Variants in LAMA2 observed in about 807,000 individuals in gnomAD.
LAMA2 encodes the protein laminin subunit alpha 2, also known as laminin subunit alpha-2.
LAMA2 carries 269 observed loss-of-function variants against 364.8 expected under a neutral mutation model. The observed-to-expected ratio is 0.74, with a 90% CI of 0.67 to 0.82. The LOEUF (loss-of-function observed/expected upper bound fraction) is 0.82, where lower values mean the gene tolerates loss of function less well. Ranked by LOEUF, LAMA2 falls within the 40% of genes least tolerant of loss-of-function variation. The pLI, the probability that LAMA2 is intolerant of heterozygous loss-of-function variation, is 0.00. For synonymous variants in LAMA2, 1,379 were observed against 1,370.6 expected (o/e 1.01, Z -0.14); for missense variants, 3,807 against 3,873.2 (o/e 0.98, Z 0.45).
At chr6:129,379,197 G>A (rs773756252) in intron 34 of LAMA2, among the ~76,000 whole-genome samples, 1 of 152,128 alleles carries the variant, frequency 6.6e-6, no homozygotes, top group Non-Finnish European at 1.5e-5. Flanking sequence ...GTTCACTGGG[G>A]CCTACCAGAG....
intron 2 of LAMA2, among the ~76,000 whole-genome samples, chr6:129,057,281 G>T (rs1788551052): frequency 6.6e-6 from 1 of 151,944 alleles, no homozygotes; most frequent in Non-Finnish European, 1.5e-5. Flanking sequence ...GTGAATACAG[G>T]GTTCACATCC....
At chr6:128,941,582 C>A (rs932427853) in intron 1 of LAMA2, among the ~76,000 whole-genome samples, 1 of 151,752 alleles carries the variant, frequency 6.6e-6, no homozygotes, top group African/African-American at 2.4e-5. Flanking sequence ...CTCTTACATT[C>A]AGTTAAAAAT....
intron 20 of LAMA2, chr6:129,292,770 G>A (rs535439482): frequency 7.1e-6 from 7 of 980,098 alleles, no homozygotes; most frequent in South Asian, 9.5e-5. Flanking sequence ...GCTCTGTTTT[G>A]TTTTTATTTT....
chr6:129,398,934 A>G (rs577097510), intron 37 of LAMA2, among the ~76,000 whole-genome samples: 1 of 152,338 alleles, frequency 6.6e-6, no homozygotes, highest in East Asian at 1.9e-4. Flanking sequence ...GTCTGGATGC[A>G]CGGGCTGATA....
At chr6:128,953,377 G>A (rs1237052707) in intron 1 of LAMA2, among the ~76,000 whole-genome samples, 1 of 152,092 alleles carries the variant, frequency 6.6e-6, no homozygotes, top group Non-Finnish European at 1.5e-5. Context: ...ACAGATAGTA[G>A]ACTTCATCAG....
intron 53 of LAMA2, 99 bp downstream of exon 53, chr6:129,475,500 A>G: frequency 1.2e-6 from 1 of 825,910 alleles, no homozygotes. Context: ...CAACACCAGT[A>G]CAGCTTTGTT....
intron 1 of LAMA2, among the ~76,000 whole-genome samples, chr6:128,974,910 G>A (rs1782427591): frequency 6.7e-6 from 1 of 148,806 alleles, no homozygotes; most frequent in South Asian, 2.1e-4. Flanking sequence ...GGAGTGCAGT[G>A]GCACGATCTT....
intron 1 of LAMA2, among the ~76,000 whole-genome samples, chr6:128,917,386 A>G (rs1409565629): frequency 6.6e-6 from 1 of 152,064 alleles, no homozygotes; most frequent in Non-Finnish European, 1.5e-5. Context: ...ATTAAAAGTC[A>G]TTTTATCTTT....
chr6:129,158,879 C>A (rs796448971), intron 8 of LAMA2: 6 of 1,612,566 alleles, frequency 3.7e-6, no homozygotes, highest in Non-Finnish European at 5.1e-6. Flanking sequence ...GGCAAAGCAA[C>A]GTCCATTAGT....
At chr6:129,202,510 C>T (rs1782371151) in intron 12 of LAMA2, among the ~76,000 whole-genome samples, 1 of 152,090 alleles carries the variant, frequency 6.6e-6, no homozygotes, top group South Asian at 2.1e-4. Context: ...AGAGAGCAAG[C>T]CCTCACCACA....
chr6:129,215,930 C>G (rs1783397569), intron 12 of LAMA2, among the ~76,000 whole-genome samples: 1 of 152,116 alleles, frequency 6.6e-6, no homozygotes, highest in Non-Finnish European at 1.5e-5. Context: ...CTTTTCTTCT[C>G]TTCTTTGGTT....
At chr6:129,192,348 T>C (rs1467944207) in intron 11 of LAMA2, among the ~76,000 whole-genome samples, 1 of 152,236 alleles carries the variant, frequency 6.6e-6, no homozygotes, top group Admixed American at 6.5e-5. Context: ...GTTATAACCA[T>C]TGTATGACTT....
chr6:129,476,669 T>TAA (rs1369171076), intron 53 of LAMA2, among the ~76,000 whole-genome samples: 1 of 152,164 alleles, frequency 6.6e-6, no homozygotes, highest in African/African-American at 2.4e-5. Flanking sequence ...AAAATGGTGA[T>TAA]AAGTCAGTCT....
chr6:129,384,753 T>C (rs1017310301), intron 35 of LAMA2, among the ~76,000 whole-genome samples: 1 of 152,024 alleles, frequency 6.6e-6, no homozygotes, highest in East Asian at 2.0e-4. Context: ...GAGAAAGGAT[T>C]ACCCATCACC....
intron 17 of LAMA2, among the ~76,000 whole-genome samples, chr6:129,274,286 G>A (rs897270730): frequency 6.6e-6 from 1 of 151,550 alleles, no homozygotes; most frequent in Admixed American, 6.6e-5. Flanking sequence ...ATGACCTAGG[G>A]AAACTATCCT....
At chr6:129,023,837 T>C (rs1785614291) in intron 1 of LAMA2, among the ~76,000 whole-genome samples, 1 of 152,222 alleles carries the variant, frequency 6.6e-6, no homozygotes, top group Non-Finnish European at 1.5e-5. Flanking sequence ...ATATATCTGA[T>C]TTTATTTACT....
chr6:128,940,551 G>GT (rs1424451886), intron 1 of LAMA2, among the ~76,000 whole-genome samples: 9 of 152,178 alleles, frequency 5.9e-5, no homozygotes, highest in Admixed American at 5.2e-4. Context: ...GCATTCATGA[G>GT]TGAATAAAGA....
At chr6:129,066,831 G>C (rs374435068) in intron 3 of LAMA2, among the ~76,000 whole-genome samples, 22 of 152,194 alleles carry the variant, frequency 1.4e-4, no homozygotes, top group African/African-American at 4.6e-4. Flanking sequence ...GGATTGAACT[G>C]TCTGTCCAGT....
intron 1 of LAMA2, among the ~76,000 whole-genome samples, chr6:128,940,402 C>T (rs1244710740): frequency 6.6e-6 from 1 of 152,064 alleles, no homozygotes; most frequent in African/African-American, 2.4e-5. Flanking sequence ...TTATTATAAG[C>T]TTTAAGAGGG....
Sources: gnomAD v4.1 joint callset for allele counts (sites outside exome capture counted in the v4.1 genomes callset) on GRCh38, gnomAD v4.1.1 for gene constraint, MANE v1.5 for transcripts, NCBI Gene and HGNC (gene_info 2026-07-23, HGNC 2026-07-21) for gene names.